The following VMP1 variants were observed in gnomAD, a reference collection of about 807,000 sequenced individuals.
The protein encoded by VMP1 is vacuole membrane protein 1.
VMP1 carries 11 observed loss-of-function variants against 56.0 expected under a neutral mutation model. The observed-to-expected ratio is 0.20, with a 90% CI of 0.12 to 0.32. The LOEUF (loss-of-function observed/expected upper bound fraction) is 0.32. Among genes scored for constraint, VMP1 ranks in the 10% least tolerant of loss-of-function variants. The pLI, the probability that VMP1 is intolerant of heterozygous loss-of-function variation, is 1.00. For synonymous variants in VMP1, 149 were observed against 165.0 expected (o/e 0.90, Z 0.74); for missense variants, 296 against 490.3 (o/e 0.60, Z 3.74).
intron 7 of VMP1, among the ~76,000 whole-genome samples, chr17:59,786,819 G>C (rs1334971024): frequency 6.6e-6 from 1 of 152,204 alleles, no homozygotes; most frequent in Non-Finnish European, 1.5e-5. Context: ...CTTCCTGCTT[G>C]CAGGATCTCT....
intron 1 of VMP1, among the ~76,000 whole-genome samples, chr17:59,722,344 T>C (rs112604996): frequency 7.9e-5 from 12 of 152,362 alleles, no homozygotes; most frequent in African/African-American, 2.9e-4. Context: ...GAGATTTATA[T>C]AGGCTAACTT....
intron 1 of VMP1, among the ~76,000 whole-genome samples, chr17:59,718,641 C>G (rs1294433698): frequency 6.6e-6 from 1 of 152,020 alleles, no homozygotes; most frequent in Non-Finnish European, 1.5e-5. Flanking sequence ...GTAGCTGGGA[C>G]TACATGCACA....
At chr17:59,782,268 A>G (rs1598386438) in intron 7 of VMP1, among the ~76,000 whole-genome samples, 1 of 151,802 alleles carries the variant, frequency 6.6e-6, no homozygotes, top group Admixed American at 6.6e-5. Context: ...CTATGAAAAT[A>G]TTTTTACATA....
chr17:59,772,851 TAACTC>T (rs1041645023), intron 6 of VMP1, among the ~76,000 whole-genome samples: 14 of 151,694 alleles, frequency 9.2e-5, no homozygotes, highest in African/African-American at 3.4e-4. Context: ...TTAAAAGTTT[TAACTC>T]AACAGAAGAA....
intron 5 of VMP1, among the ~76,000 whole-genome samples, chr17:59,751,655 A>T (rs1472130594): frequency 2.2e-5 from 3 of 134,076 alleles, no homozygotes; most frequent in Non-Finnish European, 4.8e-5. Context: ...GAGGTGAGAT[A>T]ATTGTTTGAA....
intron 2 of VMP1, among the ~76,000 whole-genome samples, chr17:59,733,929 G>A (rs1046813151): frequency 1.1e-4 from 16 of 152,118 alleles, no homozygotes; most frequent in Non-Finnish European, 1.9e-4. Flanking sequence ...CCAAGATCAC[G>A]TGACTAATAG....
At position 59,784,100 on chromosome 17, in the gene VMP1, A is replaced by AGT. The variant is rs536985526; in HGVS notation, c.714+10257_714+10258dup. ...AACTGCCAGAATACCCATCAAAAAG[A>AGT]GTGTGTGTGTGTGTGTGTGTGTGTG... On this transcript the variant is annotated intron_variant, in intron 7 of 11. Coordinates refer to ENST00000262291, the MANE Select transcript of VMP1 (RefSeq NM_030938.5). 6.1e-3 allele frequency among the ~76,000 whole-genome samples: 853 copies of AGT among 139,164 alleles called. 8 individuals are homozygous for AGT. The highest frequency in any genetic ancestry group is 7.5e-3 in the South Asian group (31 of 4,124). The allele number at this position is 139,164 out of a possible 152,430, so 91.3% of individuals were successfully genotyped here. A position where few individuals can be genotyped will look rare whatever the true frequency, so the allele number is the denominator to read the frequency against.
rs868586264 is a variant in VMP1 at position 59,818,809 on chromosome 17, G to A, written c.974+1036G>A. Reference sequence around the variant, plus strand: ...GTTAGGTTTTTAAATCATTATTATAGGGGAGAGGTTTTCTTTTCATTCAGT... The same window carrying A: ...GTTAGGTTTTTAAATCATTATTATAAGGGAGAGGTTTTCTTTTCATTCAGT... On this transcript the variant is annotated intron_variant, in intron 10 of 11. Transcript: ENST00000262291. Among the ~76,000 whole-genome samples the A allele has an allele frequency of 1.6e-4, 25 of 152,264 alleles. 2 individuals carry two copies. In the South Asian group the frequency reaches 5.2e-3, roughly 32 times the overall value.
intron 8 of VMP1, among the ~76,000 whole-genome samples, chr17:59,809,996 A>G (rs1375009163): frequency 1.3e-5 from 2 of 152,206 alleles, no homozygotes; most frequent in Admixed American, 6.5e-5. Context: ...ACATTTAACC[A>G]AATAAGGATG....
intron 10 of VMP1, among the ~76,000 whole-genome samples, chr17:59,833,365 G>A (rs1428851924): frequency 1.3e-5 from 2 of 152,066 alleles, no homozygotes; most frequent in African/African-American, 2.4e-5. Context: ...TCATTGTAGA[G>A]GTAGAGAAAT....
intron 1 of VMP1, among the ~76,000 whole-genome samples, chr17:59,710,815 A>C (rs1277586175): frequency 1.3e-5 from 2 of 152,218 alleles, no homozygotes; most frequent in Non-Finnish European, 2.9e-5. Context: ...TCACGCCTGT[A>C]ATCCCAGCAC....
chr17:59,714,684 G>C (rs1197942740), intron 1 of VMP1, among the ~76,000 whole-genome samples: 2 of 151,964 alleles, frequency 1.3e-5, no homozygotes, highest in Non-Finnish European at 2.9e-5. Flanking sequence ...AGAGGGCTTT[G>C]AGCCAGGATC....
chr17:59,745,440 C>T (rs2035388785), intron 5 of VMP1, among the ~76,000 whole-genome samples: 1 of 152,112 alleles, frequency 6.6e-6, no homozygotes, highest in Admixed American at 6.6e-5. Flanking sequence ...AAATAAGAAA[C>T]CAGAAGCAAA....
chr17:59,820,119 CACTT>C (rs2038388819), intron 10 of VMP1, among the ~76,000 whole-genome samples: 1 of 152,302 alleles, frequency 6.6e-6, no homozygotes, highest in East Asian at 1.9e-4. Flanking sequence ...TGAAACCCTT[CACTT>C]ACTTGTTTTT....
chr17:59,775,265 C>T (rs2036580789), intron 7 of VMP1, among the ~76,000 whole-genome samples: 1 of 150,300 alleles, frequency 6.7e-6, no homozygotes, highest in Non-Finnish European at 1.5e-5. Flanking sequence ...TTTTAAAAAG[C>T]TTAGCTGGGC....
intron 5 of VMP1, among the ~76,000 whole-genome samples, chr17:59,764,293 G>A (rs2036157175): frequency 6.6e-6 from 1 of 152,092 alleles, no homozygotes; most frequent in Non-Finnish European, 1.5e-5. Flanking sequence ...CCGGGGACTA[G>A]GACTTGAGGG....
chr17:59,817,831 G>A (rs1247645749), intron 10 of VMP1, 58 bp downstream of exon 10: 3 of 1,348,196 alleles, frequency 2.2e-6, no homozygotes, highest in Admixed American at 2.1e-5. Flanking sequence ...GGGAGTAAAT[G>A]TGTACAAGAC....
chr17:59,755,569 T>C (rs370021842), intron 5 of VMP1, among the ~76,000 whole-genome samples: 42 of 152,190 alleles, frequency 2.8e-4, no homozygotes, highest in African/African-American at 1.0e-3. Flanking sequence ...CTCATATTTC[T>C]ACCCTGTGAC....
At chr17:59,835,647 C>T (rs1001216891) in intron 10 of VMP1, among the ~76,000 whole-genome samples, 2 of 151,050 alleles carry the variant, frequency 1.3e-5, no homozygotes, top group Non-Finnish European at 2.9e-5. Flanking sequence ...TGTGCCACCA[C>T]GCCTGGCTAA....
Sources: allele counts gnomAD v4.1 joint callset (sites outside exome capture counted in the v4.1 genomes callset), GRCh38; gene constraint gnomAD v4.1.1; transcripts MANE v1.5; gene names NCBI Gene and HGNC (gene_info 2026-07-23, HGNC 2026-07-21).